SEMA3C: variants seen among roughly 807,000 people sequenced by gnomAD.
The protein encoded by SEMA3C is semaphorin 3C, also known as semaphorin-3C.
SEMA3C carries 47 observed loss-of-function variants against 89.4 expected under a neutral mutation model. That is an observed-to-expected ratio of 0.53 (90% confidence interval 0.42 to 0.67). The LOEUF (loss-of-function observed/expected upper bound fraction) is 0.67. SEMA3C is among the 30% of genes least tolerant of loss of function. The probability of loss-of-function intolerance (pLI) is 0.00; values close to 1 mark genes in which losing one functional copy is unlikely to be tolerated. For synonymous variants in SEMA3C, 310 were observed against 320.2 expected, an observed-to-expected ratio of 0.97 and a Z score of 0.34; for missense variants, 839 against 929.1, an observed-to-expected ratio of 0.90 and a Z score of 1.26.
intron 12 of SEMA3C, among the ~76,000 whole-genome samples, chr7:80,786,517 G>T (rs1308367546): frequency 2.6e-5 from 4 of 152,136 alleles, no homozygotes; most frequent in Admixed American, 6.5e-5. Context: ...CTGTGGAGAG[G>T]TAATATTCCA....
chr7:80,751,239 C>T (rs58238307), intron 16 of SEMA3C, 30 bp downstream of exon 16: 1 of 1,576,870 alleles, frequency 6.3e-7, no homozygotes, highest in African/African-American at 1.3e-5. Flanking sequence ...CTACTGTTCA[C>T]TGAGATTGGC....
Position 80,817,958 on chromosome 7 carries a change from C to G in SEMA3C, c.447+341G>C, listed in dbSNP as rs142435730. Reference sequence around the variant, plus strand: ...CATTCAAGTAATCTTGAAATTATAACATTTTTCTTTCATCTTTTACAGCTT... The same window carrying G: ...CATTCAAGTAATCTTGAAATTATAAGATTTTTCTTTCATCTTTTACAGCTT... On this transcript the variant is annotated intron_variant, in intron 5 of 17. Coordinates refer to ENST00000265361, the MANE Select transcript of SEMA3C (RefSeq NM_006379.5). 3.5e-3 allele frequency among the ~76,000 whole-genome samples: 529 copies of G among 151,962 alleles called. 4 individuals are homozygous for G. Among genetic ancestry groups the G allele is most frequent in the African/African-American group, 0.012 (495 of 41,488 alleles).
rs755203307 is a variant in SEMA3C at position 80,744,892 on chromosome 7, T to C, written c.*2A>G. Reference sequence around the variant, plus strand: ...GAAGCATAAGACCCACATAAGAAAATATTATGACTCTGGCAACTGATTCCT... The same window carrying C: ...GAAGCATAAGACCCACATAAGAAAACATTATGACTCTGGCAACTGATTCCT... On this transcript the variant is annotated 3_prime_UTR_variant, in exon 18 of 18. Coordinates refer to ENST00000265361, the MANE Select transcript of SEMA3C (RefSeq NM_006379.5). 7.4e-6 allele frequency: 12 copies of C among 1,613,716 alleles called. No individual in the cohort carries two copies. Among genetic ancestry groups the C allele is most frequent in the South Asian group, 3.3e-5 (3 of 91,086 alleles).
chr7:80,863,033 T>C (rs1432106664), intron 2 of SEMA3C, among the ~76,000 whole-genome samples: 2 of 151,974 alleles, frequency 1.3e-5, no homozygotes, highest in African/African-American at 2.4e-5. Context: ...AAGGCAAGAA[T>C]TTCATGACCC....
chr7:80,750,435 CATATATATAT>C lies in SEMA3C; in HGVS notation c.1711+824_1711+833del, dbSNP rs71520704. 5.2e-3 allele frequency among the ~76,000 whole-genome samples: 367 copies of C among 71,056 alleles called. 4 individuals are homozygous for C. Among genetic ancestry groups the C allele is most frequent in the African/African-American group, 0.016 (287 of 17,760 alleles). The allele number at this position is 71,056 out of a possible 152,430, so 46.6% of individuals were successfully genotyped here. Reference sequence around the variant, plus strand: ...TATGGCTTACCTACATACATACGTACATATATATATATATATATATATATATATATATATA... The same window carrying C: ...TATGGCTTACCTACATACATACGTACATATATATATATATATATATATATA... On this transcript the variant is annotated intron_variant, in intron 16 of 17. Coordinates refer to ENST00000265361, the MANE Select transcript of SEMA3C (RefSeq NM_006379.5).
At chr7:80,812,741 A>C (rs1789498234) in intron 5 of SEMA3C, among the ~76,000 whole-genome samples, 1 of 151,862 alleles carries the variant, frequency 6.6e-6, no homozygotes, top group African/African-American at 2.4e-5. Flanking sequence ...CCAGTTCGTT[A>C]GGCTTTTCTC....
intron 2 of SEMA3C, among the ~76,000 whole-genome samples, chr7:80,832,474 A>G (rs1248275905): frequency 2.0e-5 from 3 of 152,266 alleles, no homozygotes; most frequent in East Asian, 1.9e-4. Flanking sequence ...GGGCTGTTCA[A>G]TGACAACCAT....
chr7:80,805,769 G>C lies in SEMA3C; in HGVS notation c.539-11C>G. The C allele has an allele frequency of 1.9e-6, 3 of 1,566,240 alleles. No individual in the cohort carries two copies. The highest frequency in any genetic ancestry group is 2.6e-6 in the Non-Finnish European group (3 of 1,151,314). The stretch of plus-strand genomic sequence containing the variant: ...AGAAAAGCTCCTCATCTATGAAAAA[G>C]AAAATATCAATGAAATGTAAATTTT... On this transcript the variant is annotated splice_polypyrimidine_tract_variant and intron_variant, in intron 6 of 17. Transcript: ENST00000265361.
At chr7:80,776,920 AT>A (rs1321916172) in intron 12 of SEMA3C, among the ~76,000 whole-genome samples, 3 of 152,132 alleles carry the variant, frequency 2.0e-5, no homozygotes, top group African/African-American at 7.2e-5. Context: ...CGTGACAAAC[AT>A]TCCAAATACT....
chr7:80,878,148 T>C (rs2116084030), intron 2 of SEMA3C, among the ~76,000 whole-genome samples: 1 of 152,210 alleles, frequency 6.6e-6, no homozygotes, highest in Admixed American at 6.5e-5. Context: ...AAGGCTGAGG[T>C]GGGCGGATCA....
chr7:80,875,079 G>A (rs113282733), intron 2 of SEMA3C, among the ~76,000 whole-genome samples: 6 of 144,296 alleles, frequency 4.2e-5, no homozygotes, highest in African/African-American at 7.4e-5. Flanking sequence ...GCAAGACTCC[G>A]TCTCAGGAAA....
chr7:80,762,092 TAA>T (rs547180420), intron 13 of SEMA3C, among the ~76,000 whole-genome samples: 4 of 75,920 alleles, frequency 5.3e-5, no homozygotes, highest in Admixed American at 1.6e-4. Flanking sequence ...TCCGTCTCAA[TAA>T]AAAAAAAAAA....
chr7:80,855,909 T>C (rs980340741), intron 2 of SEMA3C, among the ~76,000 whole-genome samples: 3 of 152,184 alleles, frequency 2.0e-5, no homozygotes, highest in East Asian at 3.9e-4. Context: ...CAATCATTCA[T>C]GTTACGTTTT....
At chr7:80,835,345 A>G (rs902241170) in intron 2 of SEMA3C, among the ~76,000 whole-genome samples, 7 of 152,310 alleles carry the variant, frequency 4.6e-5, no homozygotes, top group Middle Eastern at 3.4e-3. Context: ...CTGTTTGGCT[A>G]GTCCATCAAA....
chr7:80,749,540 T>C (rs1474853637), intron 16 of SEMA3C, among the ~76,000 whole-genome samples: 2 of 152,170 alleles, frequency 1.3e-5, no homozygotes, highest in African/African-American at 4.8e-5. Flanking sequence ...TGGAATGTAG[T>C]GGTTGAGAAC....
In SEMA3C at chr7:80,903,405, A is replaced by C. The variant is rs532635743; in HGVS notation, c.103+13274T>G. ...GCCAGGCACAATGGCTCACGCCTGT[A>C]ATCCCAGCACTTTGGGAGGCTGAGG... On this transcript the variant is annotated intron_variant, in intron 2 of 17. Coordinates refer to ENST00000265361, the MANE Select transcript of SEMA3C (RefSeq NM_006379.5). Among the ~76,000 whole-genome samples, 28 of 152,346 alleles carry C rather than the reference A, an allele frequency of 1.8e-4. No individual in the cohort carries two copies. The South Asian group carries it at 5.8e-3, about 32-fold the overall frequency.
upstream of SEMA3C, among the ~76,000 whole-genome samples, chr7:80,921,890 T>C (rs1025370896): frequency 5.9e-5 from 9 of 152,200 alleles, no homozygotes; most frequent in Non-Finnish European, 1.2e-4. Context: ...TACATACTTT[T>C]CTCCAGGAGT....
chr7:80,914,536 G>A (rs1471366566), intron 2 of SEMA3C, among the ~76,000 whole-genome samples: 1 of 152,026 alleles, frequency 6.6e-6, no homozygotes, highest in Non-Finnish European at 1.5e-5. Flanking sequence ...AAATTATTGA[G>A]TTACCAATCG....
At chr7:80,826,485 T>C (rs1475361752) in intron 4 of SEMA3C, among the ~76,000 whole-genome samples, 1 of 152,166 alleles carries the variant, frequency 6.6e-6, no homozygotes, top group African/African-American at 2.4e-5. Context: ...CAGACTTTTC[T>C]AACAAGGTAA....
Sources: allele counts gnomAD v4.1 joint callset (sites outside exome capture counted in the v4.1 genomes callset), GRCh38; gene constraint gnomAD v4.1.1; transcripts MANE v1.5; gene names NCBI Gene and HGNC (gene_info 2026-07-23, HGNC 2026-07-21).